Variants in ZNF449 observed in about 807,000 individuals in gnomAD.
The protein encoded by ZNF449 is zinc finger protein 449, also known as zinc finger and SCAN domain-containing protein 19.
In ZNF449, 4 loss-of-function variants were observed where a neutral mutation model predicts 32.6. The observed-to-expected ratio is 0.12, with a 90% CI of 0.06 to 0.28. The LOEUF is 0.28. ZNF449 is among the 10% of genes least tolerant of loss of function. ZNF449 has a pLI of 1.00. For missense variants in ZNF449, 275 were observed against 383.2 expected, an observed-to-expected ratio of 0.72 and a Z score of 2.36; for synonymous variants, 123 against 132.2, an observed-to-expected ratio of 0.93 and a Z score of 0.48.
Position 135,352,673 on chromosome X carries a change from A to G in ZNF449, c.559+3359A>G, listed in dbSNP as rs180730409. 4.0e-4 allele frequency among the ~76,000 whole-genome samples: 45 copies of G among 112,372 alleles called. No homozygotes were observed. In the East Asian group the frequency reaches 0.011, roughly 28 times the overall value. On this transcript the variant is annotated intron_variant, in intron 3 of 4. Coordinates refer to ENST00000339249, the MANE Select transcript of ZNF449 (RefSeq NM_152695.6). The stretch of plus-strand genomic sequence containing the variant: ...ATGAAAATTTAAAGTAAAATACAGG[A>G]CAAACAAATGCTGTCTAGAAAGCAT...
intron 1 of ZNF449, 125 bp downstream of exon 1, chrX:135,344,960 GCCGGAAGGAGTGGTGGGCGGTGGGCC>G (rs1404997816): frequency 2.7e-5 from 3 of 112,787 alleles, no homozygotes; most frequent in Non-Finnish European, 5.6e-5. Flanking sequence ...GGCGGCGGGC[GCCGGAAGGAGTGGTGGGCGGTGGGCC>G]CCTATCCGGC....
At chrX:135,360,125 T>C in intron 4 of ZNF449, 68 bp from the exon 5 acceptor site, 2 of 1,114,067 alleles carry the variant, frequency 1.8e-6, no homozygotes, top group Non-Finnish European at 2.4e-6. Flanking sequence ...ACATAACTCT[T>C]CATTTTCCTT....
chrX:135,353,068 T>C (rs1556450721), intron 3 of ZNF449, among the ~76,000 whole-genome samples: 1 of 111,719 alleles, frequency 9.0e-6, no homozygotes, highest in East Asian at 2.8e-4. Context: ...GTCTCTCTTG[T>C]AGTTGTTGTG....
At chrX:135,360,114 A>C in intron 4 of ZNF449, 79 bp from the exon 5 acceptor site, 1 of 1,100,181 alleles carries the variant, frequency 9.1e-7, no homozygotes, top group African/African-American at 1.8e-5. Context: ...CCACTGGTTT[A>C]ACATAACTCT....
intron 3 of ZNF449, among the ~76,000 whole-genome samples, chrX:135,350,979 C>T (rs1332928595): frequency 9.0e-6 from 1 of 111,082 alleles, no homozygotes; most frequent in East Asian, 2.8e-4. Context: ...TGCTGCAGTG[C>T]AAGGGACATA....
intron 3 of ZNF449, among the ~76,000 whole-genome samples, chrX:135,355,829 C>A (rs895739613): frequency 7.2e-5 from 8 of 111,375 alleles, no homozygotes; most frequent in Admixed American, 2.9e-4. Flanking sequence ...CTTTTTGGCC[C>A]CCATCTCTCC....
At chrX:135,359,762 C>A in intron 3 of ZNF449, 130 bp from the exon 4 acceptor site, 1 of 434,564 alleles carries the variant, frequency 2.3e-6, no homozygotes, top group Non-Finnish European at 4.1e-6. Context: ...TTGTAAGAGA[C>A]TCAGGTGAAG....
Position 135,360,005 on chromosome X carries a change from G to T in ZNF449, c.673G>T (p.Gly225Cys). ...EMKQLLDSKIGFEIGIENEED... is the reference protein window; with the variant it reads ...EMKQLLDSKICFEIGIENEED... ...GAAACAATTACTTGATTCCAAGATA[G>T]GTAAGTAATTGTTCTTTGATATACT... Residue 225 changes from glycine to cysteine, a missense_variant and splice_region_variant, in exon 4 of 5, where the codon GGT (glycine) becomes TGT (cysteine). Gly to Cys is a radical substitution (Grantham distance 159). This residue lies in a region of ZNF449 where 165 missense variants were observed against 175.0 expected (regional missense o/e 0.94). Transcript: ENST00000339249. 1.7e-6 allele frequency: 2 copies of T among 1,148,702 alleles called. No individual in the cohort carries two copies. The highest frequency in any genetic ancestry group is 3.9e-5 in the South Asian group (2 of 51,784). 94.7% of individuals were successfully genotyped at this position (1,148,702 alleles called of 1,213,427 possible).
In ZNF449 at chrX:135,362,897, T is replaced by C. The variant is rs1452498100; in HGVS notation, c.*1821T>C. On this transcript the variant is annotated 3_prime_UTR_variant, in exon 5 of 5. Transcript: ENST00000339249. ...TACCAATTGCTAGACCCAGGATGTA[T>C]CTTTAATTCTTGTCATCCAGGTCAA... 6 of 112,154 alleles carry C rather than the reference T, an allele frequency of 5.3e-5. No individual in the cohort carries two copies. Among genetic ancestry groups the C allele is most frequent in the Non-Finnish European group, 1.9e-5 (1 of 53,181 alleles). The allele number at this position is 112,154 out of a possible 1,213,427, so 9.2% of individuals were successfully genotyped here.
At chrX:135,347,892 C>A in intron 2 of ZNF449, 1 of 297,469 alleles carries the variant, frequency 3.4e-6, no homozygotes, top group Non-Finnish European at 6.0e-6. Context: ...AGTGAATGTG[C>A]CCCACAGTGC....
At chrX:135,351,799 C>A (rs1017044040) in intron 3 of ZNF449, among the ~76,000 whole-genome samples, 1 of 110,736 alleles carries the variant, frequency 9.0e-6, no homozygotes, top group Non-Finnish European at 1.9e-5. Context: ...TAATTCGCTC[C>A]TTTTGTCAAC....
intron 3 of ZNF449, among the ~76,000 whole-genome samples, chrX:135,353,512 G>A (rs2084899751): frequency 9.1e-6 from 1 of 110,265 alleles, no homozygotes; most frequent in African/African-American, 3.3e-5. Flanking sequence ...GGATCTCTTA[G>A]CTATAGCCAG....
At chrX:135,360,081 A>G in intron 4 of ZNF449, 76 bp downstream of exon 4, 4 of 1,085,226 alleles carry the variant, frequency 3.7e-6, no homozygotes, top group Non-Finnish European at 4.9e-6. Context: ...TTGGAATTCT[A>G]TTTAGGAATT....
intron 3 of ZNF449, among the ~76,000 whole-genome samples, chrX:135,350,370 C>A (rs2084878851): frequency 9.0e-6 from 1 of 111,578 alleles, no homozygotes; most frequent in Admixed American, 9.5e-5. Context: ...GGCCAGAATC[C>A]TCTCCCCGAC....
chrX:135,345,289 G>A (rs1423425668), intron 1 of ZNF449, among the ~76,000 whole-genome samples: 1 of 112,561 alleles, frequency 8.9e-6, no homozygotes, highest in Non-Finnish European at 1.9e-5. Context: ...TGAAATGAAC[G>A]TTTCTCTGGG....
Position 135,356,813 on chromosome X carries a change from A to G in ZNF449, c.560-3079A>G, listed in dbSNP as rs189229337. Among the ~76,000 whole-genome samples, 733 of 112,039 alleles carry G rather than the reference A, an allele frequency of 6.5e-3. 10 individuals are homozygous for G. Among genetic ancestry groups the G allele is most frequent in the Non-Finnish European group, 8.1e-3 (429 of 53,038 alleles). ...AAGGCAGAGAATATATTTATTATTC[A>G]TTAAGTGGAAGTGGATCATTATAAA... On this transcript the variant is annotated intron_variant, in intron 3 of 4. Transcript: ENST00000339249.
At chrX:135,354,732 G>T (rs1647091106) in intron 3 of ZNF449, among the ~76,000 whole-genome samples, 1 of 111,298 alleles carries the variant, frequency 9.0e-6, no homozygotes, top group South Asian at 3.8e-4. Context: ...CTGTAATTTG[G>T]TGCTGTACAT....
Position 135,360,920 on chromosome X carries a change from T to C in ZNF449, c.1401T>C (p.Tyr467=), listed in dbSNP as rs1466400903. The stretch of plus-strand genomic sequence containing the variant: ...AAGAGAGACCTTTTAAATGTAATTA[T>C]TGTGGGAAAAGTTTTAGACAGAGAC... ...HTEERPFKCN[Y]CGKSFRQRPS... is the part of the protein sequence containing the mutation. The change falls in exon 5 of 5, where the codon TAT becomes TAC. Residue 467 remains tyrosine, a synonymous_variant. Coordinates refer to ENST00000339249, the MANE Select transcript of ZNF449 (RefSeq NM_152695.6). 1 of 1,211,393 alleles carries C rather than the reference T, an allele frequency of 8.3e-7. No individual in the cohort carries two copies. Among genetic ancestry groups the C allele is most frequent in the Non-Finnish European group, 1.1e-6 (1 of 895,309 alleles).
intron 3 of ZNF449, among the ~76,000 whole-genome samples, chrX:135,357,850 G>A (rs1383569156): frequency 2.7e-5 from 3 of 109,986 alleles, no homozygotes; most frequent in African/African-American, 6.6e-5. Flanking sequence ...ACATTCAATC[G>A]GTTTGTATCT....
Sources: allele counts gnomAD v4.1 joint callset (sites outside exome capture counted in the v4.1 genomes callset), GRCh38; gene constraint gnomAD v4.1.1; regional missense constraint gnomAD v4.1.1; transcripts MANE v1.5; gene names NCBI Gene and HGNC (gene_info 2026-07-23, HGNC 2026-07-21).